ZBTB7A: variants seen among roughly 807,000 people sequenced by gnomAD.
The protein encoded by ZBTB7A is zinc finger and BTB domain containing 7A.
In ZBTB7A, 7 loss-of-function variants were observed where a neutral mutation model predicts 26.7. The ratio of observed to expected loss-of-function variants is 0.26; its 90% CI spans 0.15 to 0.49. The LOEUF (loss-of-function observed/expected upper bound fraction) is 0.49, where lower values mean the gene tolerates loss of function less well. Among genes scored for constraint, ZBTB7A ranks in the 20% least tolerant of loss-of-function variants. ZBTB7A has a pLI of 0.98. For missense variants in ZBTB7A, 617 were observed against 919.5 expected, an observed-to-expected ratio of 0.67 and a Z score of 4.25; for synonymous variants, 452 against 441.0, an observed-to-expected ratio of 1.02 and a Z score of -0.31.
intron 1 of ZBTB7A, among the ~76,000 whole-genome samples, chr19:4,056,357 C>T (rs1231931812): frequency 1.3e-5 from 2 of 152,204 alleles, no homozygotes; most frequent in Non-Finnish European, 2.9e-5. Flanking sequence ...CTGGCAAAAC[C>T]CACACTGGAC....
Position 4,053,956 on chromosome 19 carries a change from C to A in ZBTB7A, c.1262+15G>T. On this transcript the variant is annotated intron_variant, in intron 2 of 2. Coordinates refer to ENST00000322357, the MANE Select transcript of ZBTB7A (RefSeq NM_015898.4). ...AGAGAGCAGGACGGCGCCTCCCCCGCGGCGGGCAGCTCACCTGGTGAAGCG... is the reference window on the plus strand; with the variant it reads ...AGAGAGCAGGACGGCGCCTCCCCCGAGGCGGGCAGCTCACCTGGTGAAGCG... 5.7e-6 allele frequency: 9 copies of A among 1,579,978 alleles called. No homozygotes were observed. The highest frequency in any genetic ancestry group is 7.7e-6 in the Non-Finnish European group (9 of 1,166,086).
Position 4,054,599 on chromosome 19 carries a change from C to T in ZBTB7A, c.634G>A (p.Gly212Ser). 6.3e-7 allele frequency: 1 copy of T among 1,578,102 alleles called. No homozygotes were observed. The highest frequency in any genetic ancestry group is 8.6e-7 in the Non-Finnish European group (1 of 1,167,622). ...VAAAVAAVAAGDCNGLDFYGP... is the reference protein window; with the variant it reads ...VAAAVAAVAASDCNGLDFYGP... ...TAGAAGTCTAAGCCGTTGCAGTCGC[C>T]CGCGGCCACGGCGGCCACAGCGGCG... Residue 212 changes from glycine to serine, a missense_variant, in exon 2 of 3, where the codon GGC (glycine) becomes AGC (serine). Around this residue, in one of 5 missense-constraint regions of ZBTB7A, gnomAD observed 331 missense variants for 391.3 expected, o/e 0.85. Coordinates refer to ENST00000322357, the MANE Select transcript of ZBTB7A (RefSeq NM_015898.4).
At chr19:4,049,730 A>C (rs1321362024) in intron 2 of ZBTB7A, among the ~76,000 whole-genome samples, 1 of 151,834 alleles carries the variant, frequency 6.6e-6, no homozygotes, top group East Asian at 1.9e-4. Context: ...CTTCAGCGTC[A>C]CTCCCCTATC....
At position 4,063,051 on chromosome 19, in the gene ZBTB7A, C is replaced by T. The variant is rs1385382721; in HGVS notation, c.-16+3631G>A. Among the ~76,000 whole-genome samples the T allele has an allele frequency of 4.6e-5, 7 of 152,092 alleles. No individual in the cohort carries two copies. In the East Asian group the frequency reaches 1.3e-3, roughly 29 times the overall value. ...AGCTCGTTCCTCTTGTCCTTGTTGC[C>T]CAGGGCTACTGCAGGGCAGTTTATG... On this transcript the variant is annotated intron_variant, in intron 1 of 2. Transcript: ENST00000322357.
At chr19:4,058,884 T>C (rs1289504481) in intron 1 of ZBTB7A, among the ~76,000 whole-genome samples, 2 of 152,140 alleles carry the variant, frequency 1.3e-5, no homozygotes, top group Non-Finnish European at 2.9e-5. Context: ...CCCGCCTTCC[T>C]TCCCTCCTTC....
rs1329236127 is a variant in ZBTB7A, at chr19:4,054,824, C to T, written c.409G>A (p.Gly137Ser). 1 of 1,599,604 alleles carries T rather than the reference C, an allele frequency of 6.3e-7. No individual in the cohort carries two copies. The highest frequency in any genetic ancestry group is 2.3e-5 in the East Asian group (1 of 44,102). The change falls in exon 2 of 3, where the codon GGC becomes AGC. Residue 137 changes from glycine (G) to serine (S), a missense_variant. This residue lies in a region of ZBTB7A where 331 missense variants were observed against 391.3 expected (regional missense o/e 0.85). Transcript: ENST00000322357. ...AGGTCCAGCTGCCCGGCGTCGGCGC[C>T]CGCGTCGGCCGCCAGGATCTGCCGG... is the stretch of plus-strand genomic sequence containing the variant. ...LDRQILAADAGADAGQLDLVD... is the reference protein window; with the variant it reads ...LDRQILAADASADAGQLDLVD...
intron 1 of ZBTB7A, among the ~76,000 whole-genome samples, chr19:4,056,815 C>T (rs2040584291): frequency 6.6e-6 from 1 of 150,592 alleles, no homozygotes; most frequent in Admixed American, 6.6e-5. Flanking sequence ...TGCAGTGAGC[C>T]GAGATTGCAC....
At position 4,055,330 on chromosome 19, in the gene ZBTB7A, G is replaced by A. The variant is rs575381525; in HGVS notation, c.-15-83C>T. 2.5e-4 allele frequency: 351 copies of A among 1,418,782 alleles called. 1 individual carries two copies. The African/African-American group carries it at 4.6e-3, about 18-fold the overall frequency. 87.9% of individuals were successfully genotyped at this position (1,418,782 alleles called of 1,614,324 possible). The stretch of plus-strand genomic sequence containing the variant: ...CCACTGACAAGGGCCCGAGGCCCTT[G>A]AGAAGCAGCGTTCCACCCTGCTCCC... On this transcript the variant is annotated intron_variant, in intron 1 of 2. Transcript: ENST00000322357.
At chr19:4,050,872 G>A (rs2040496891) in intron 2 of ZBTB7A, among the ~76,000 whole-genome samples, 1 of 151,996 alleles carries the variant, frequency 6.6e-6, no homozygotes, top group Non-Finnish European at 1.5e-5. Flanking sequence ...GCTAAGGCGG[G>A]CAGATCACCT....
At chr19:4,057,938 G>C (rs1269728337) in intron 1 of ZBTB7A, among the ~76,000 whole-genome samples, 1 of 152,166 alleles carries the variant, frequency 6.6e-6, no homozygotes, top group Admixed American at 6.5e-5. Context: ...CAAACCCAGA[G>C]TGGACCTAAG....
rs950552053 is a variant in ZBTB7A, at chr19:4,054,290, C to G, written c.943G>C (p.Ala315Pro). 1 of 1,543,656 alleles carries G rather than the reference C, an allele frequency of 6.5e-7. No homozygotes were observed. Among genetic ancestry groups the G allele is most frequent in the Non-Finnish European group, 8.7e-7 (1 of 1,151,136 alleles). The part of the protein sequence containing the change: ...DGDGPDVDGL[A>P]ASTLLQQMMS... ...ATCTGCTGCAGCAGCGTGCTGGCCG[C>G]CAGCCCGTCCACGTCGGGCCCGTCC... The change falls in exon 2 of 3, where the codon GCG becomes CCG. Residue 315 changes from alanine (A) to proline (P), a missense_variant. By Grantham distance (27) the Ala-to-Pro change is conservative. Coordinates refer to ENST00000322357, the MANE Select transcript of ZBTB7A (RefSeq NM_015898.4).
chr19:4,060,929 C>T (rs1261842633), intron 1 of ZBTB7A, among the ~76,000 whole-genome samples: 1 of 152,200 alleles, frequency 6.6e-6, no homozygotes, highest in Non-Finnish European at 1.5e-5. Context: ...TCTCACCCCT[C>T]ATGTGCTGTG....
intron 1 of ZBTB7A, among the ~76,000 whole-genome samples, chr19:4,064,138 G>A (rs1376610517): frequency 6.6e-6 from 1 of 152,252 alleles, no homozygotes; most frequent in Non-Finnish European, 1.5e-5. Context: ...TCCACTGCCT[G>A]CGGCCGCCCG....
chr19:4,048,383 C>T lies in ZBTB7A; in HGVS notation c.1263-139G>A, dbSNP rs1350882511. 1 of 1,236,386 alleles carries T rather than the reference C, an allele frequency of 8.1e-7. No individual in the cohort carries two copies. The highest frequency in any genetic ancestry group is 1.1e-6 in the Non-Finnish European group (1 of 949,768). The allele number at this position is 1,236,386 out of a possible 1,614,324, so 76.6% of individuals were successfully genotyped here. ...ACCGTGCACCAGAGGTTTCGGTGCC[C>T]CGATGGGGACGGTCCCTCGAAAAAC... On this transcript the variant is annotated intron_variant, in intron 2 of 2. Coordinates refer to ENST00000322357, the MANE Select transcript of ZBTB7A (RefSeq NM_015898.4). The surrounding 1 kb of genome is among the most constrained non-coding windows in gnomAD (Gnocchi z 6.7).
At position 4,064,607 on chromosome 19, in the gene ZBTB7A, G is replaced by C. The variant is rs984955801; in HGVS notation, c.-16+2075C>G. Among the ~76,000 whole-genome samples the C allele has an allele frequency of 8.5e-5, 13 of 152,244 alleles. No individual in the cohort carries two copies. In the East Asian group the frequency reaches 1.3e-3, roughly 16 times the overall value. ...GGGGAGGCACCCCCAGTGTGGGAGC[G>C]GCACGCTCAGGGTTACGCCCTGGTC... On this transcript the variant is annotated intron_variant, in intron 1 of 2. Transcript: ENST00000322357.
Position 4,054,380 on chromosome 19 carries a change from C to T in ZBTB7A, c.853G>A (p.Glu285Lys). ...GAGTCGCCCGGCTCGGGGGCCGCCT[C>T]CGACAGCGAGGCGGCCTCCTCCTCT... Reference protein sequence around the residue: ...GGEEEAASLSEAAPEPGDSPG... With the variant: ...GGEEEAASLSKAAPEPGDSPG... The change falls in exon 2 of 3, where the codon GAG (glutamate) becomes AAG (lysine). Residue 285 changes from glutamate (E) to lysine (K), a missense_variant. Physicochemically the swap from Glu to Lys is moderately conservative, Grantham distance 56. This residue lies in a region of ZBTB7A where 331 missense variants were observed against 391.3 expected (regional missense o/e 0.85). Coordinates refer to ENST00000322357, the MANE Select transcript of ZBTB7A (RefSeq NM_015898.4). The T allele has an allele frequency of 1.4e-6, 2 of 1,429,420 alleles. No homozygotes were observed. The highest frequency in any genetic ancestry group is 9.1e-7 in the Non-Finnish European group (1 of 1,104,036). The allele number at this position is 1,429,420 out of a possible 1,614,324, so 88.5% of individuals were successfully genotyped here.
rs1052758734 is a variant in ZBTB7A at position 4,055,551 on chromosome 19, G to A, written c.-15-304C>T. The A allele has an allele frequency of 4.5e-6, 4 of 885,216 alleles. No homozygotes were observed. In the African/African-American group the frequency reaches 5.4e-5, roughly 12 times the overall value. 54.8% of individuals were successfully genotyped at this position (885,216 alleles called of 1,614,324 possible). A position where few individuals can be genotyped will look rare whatever the true frequency, so the allele number is the denominator to read the frequency against. On this transcript the variant is annotated intron_variant, in intron 1 of 2. Transcript: ENST00000322357. ...CAAACCCCTGGCCTCGGCCTGGCGC[G>A]GTGGCTCACGCCTGTAATCCCAGCA...
rs1361955060 is a variant in ZBTB7A, at chr19:4,048,740, C to CT, written c.1263-497dup. 6.6e-6 allele frequency among the ~76,000 whole-genome samples: 1 copy of CT among 151,802 alleles called. No individual in the cohort carries two copies. The highest frequency in any genetic ancestry group is 1.9e-4 in the East Asian group (1 of 5,162). ...TGGTAGCAGGCGCCCGTAATGCCAGCTATTAGGAAGGCTGAGGCAGGAGGA... is the reference window on the plus strand; with the variant it reads ...TGGTAGCAGGCGCCCGTAATGCCAGCTTATTAGGAAGGCTGAGGCAGGAGGA... On this transcript the variant is annotated intron_variant, in intron 2 of 2. Transcript: ENST00000322357. The surrounding 1 kb of genome is among the most constrained non-coding windows in gnomAD (Gnocchi z 6.7).
At position 4,055,962 on chromosome 19, in the gene ZBTB7A, C is replaced by T. The variant is rs538283663; in HGVS notation, c.-15-715G>A. On this transcript the variant is annotated intron_variant, in intron 1 of 2. Coordinates refer to ENST00000322357, the MANE Select transcript of ZBTB7A (RefSeq NM_015898.4). ...TCTGTGCATGAGGATAGCCAGATGTCCCGGCTCCCCAGCCTCAGTTTCCCC... is the reference window on the plus strand; with the variant it reads ...TCTGTGCATGAGGATAGCCAGATGTTCCGGCTCCCCAGCCTCAGTTTCCCC... Among the ~76,000 whole-genome samples the T allele has an allele frequency of 2.6e-5, 4 of 152,332 alleles. No homozygotes were observed. In the East Asian group the frequency reaches 7.7e-4, roughly 29 times the overall value.
Sources: allele counts gnomAD v4.1 joint callset (sites outside exome capture counted in the v4.1 genomes callset), GRCh38; gene constraint gnomAD v4.1.1; regional missense constraint gnomAD v4.1.1; non-coding constraint Gnocchi (gnomAD v3.1); transcripts MANE v1.5; gene names NCBI Gene and HGNC (gene_info 2026-07-23, HGNC 2026-07-21).